Variants in CDC73 observed in about 807,000 individuals in gnomAD.
CDC73 encodes the protein cell division cycle 73.
CDC73 carries 21 observed loss-of-function variants against 83.7 expected under a neutral mutation model. The ratio of observed to expected loss-of-function variants is 0.25; its 90% CI spans 0.18 to 0.36. The LOEUF (loss-of-function observed/expected upper bound fraction) is 0.36, where lower values mean the gene tolerates loss of function less well. Among genes scored for constraint, CDC73 ranks in the 10% least tolerant of loss-of-function variants. The pLI, the probability that CDC73 is intolerant of heterozygous loss-of-function variation, is 1.00. For missense variants in CDC73, 342 were observed against 653.3 expected (o/e 0.52, Z 5.19); for synonymous variants, 224 against 212.9 (o/e 1.05, Z -0.45).
chr1:193,181,332 G>A (rs1676712107), intron 10 of CDC73: 2 of 1,614,104 alleles, frequency 1.2e-6, no homozygotes, highest in Non-Finnish European at 1.7e-6. Flanking sequence ...TCCGAAGGGA[G>A]CTGTGGTTTG....
intron 2 of CDC73, among the ~76,000 whole-genome samples, chr1:193,127,071 C>A (rs1172677698): frequency 6.6e-6 from 1 of 151,914 alleles, no homozygotes; most frequent in African/African-American, 2.4e-5. Flanking sequence ...GAGTTCAAGA[C>A]CAACCTGGGC....
At chr1:193,125,521 C>T (rs575737809) in intron 2 of CDC73, among the ~76,000 whole-genome samples, 122 of 152,046 alleles carry the variant, frequency 8.0e-4, no homozygotes, top group African/African-American at 2.8e-3. Context: ...CTCGGCCTCC[C>T]GAAGTGCTGG....
At position 193,140,040 on chromosome 1, in the gene CDC73, A is replaced by G. The variant is rs144757040; in HGVS notation, c.513-1810A>G. 1.4e-3 allele frequency among the ~76,000 whole-genome samples: 212 copies of G among 152,282 alleles called. 1 individual carries two copies. Among genetic ancestry groups the G allele is most frequent in the African/African-American group, 5.0e-3 (206 of 41,542 alleles). ...CAGTTCTCAGGTCTTCTGACCTATG[A>G]ATTCTAAACACCTTGGTCTTGCTGT... On this transcript the variant is annotated intron_variant, in intron 6 of 16. Coordinates refer to ENST00000367435, the MANE Select transcript of CDC73 (RefSeq NM_024529.5).
intron 10 of CDC73, among the ~76,000 whole-genome samples, chr1:193,199,310 A>T (rs1677051038): frequency 6.6e-6 from 1 of 152,132 alleles, no homozygotes; most frequent in Non-Finnish European, 1.5e-5. Flanking sequence ...TCTCTCCTGC[A>T]ATCCCAGCGC....
chr1:193,254,416 A>G lies in CDC73; in HGVS notation c.*3704A>G, dbSNP rs1012514861. Among the ~76,000 whole-genome samples the G allele has an allele frequency of 1.2e-4, 18 of 152,146 alleles. No homozygotes were observed. The highest frequency in any genetic ancestry group is 4.1e-4 in the African/African-American group (17 of 41,454). On this transcript the variant is annotated 3_prime_UTR_variant, in exon 17 of 17. Coordinates refer to ENST00000367435, the MANE Select transcript of CDC73 (RefSeq NM_024529.5). ...ACTTGTGTTTGAGATTCACCCAGCT[A>G]TTCTAATGATAGAAATAAAAAGTGG...
chr1:193,150,127 T>C (rs1031634427), intron 8 of CDC73, among the ~76,000 whole-genome samples, 177 bp from the exon 9 acceptor site: 11 of 151,344 alleles, frequency 7.3e-5, no homozygotes, highest in African/African-American at 2.2e-4. Flanking sequence ...AAAAATTAGC[T>C]GAGTGTGGTG....
chr1:193,219,012 CAA>C (rs1445609000), intron 13 of CDC73, among the ~76,000 whole-genome samples: 1 of 152,152 alleles, frequency 6.6e-6, no homozygotes, highest in Non-Finnish European at 1.5e-5. Flanking sequence ...ATGCATCTGA[CAA>C]AGATCTAATA....
chr1:193,188,943 TTC>T (rs1558304684), intron 10 of CDC73, among the ~76,000 whole-genome samples: 1 of 152,030 alleles, frequency 6.6e-6, no homozygotes, highest in African/African-American at 2.4e-5. Context: ...ACCTCTTTCT[TTC>T]TGTCTGTCTG....
At chr1:193,122,551 C>T in intron 1 of CDC73, 1 of 538,902 alleles carries the variant, frequency 1.9e-6, no homozygotes, top group Non-Finnish European at 3.3e-6. Flanking sequence ...TTTGAGAAGC[C>T]CAAAGGAAAG....
intron 3 of CDC73, 104 bp downstream of exon 3, chr1:193,130,347 A>G (rs1675673447): frequency 2.5e-6 from 2 of 802,340 alleles, no homozygotes; most frequent in Admixed American, 3.7e-5. Context: ...CCACCAAAAA[A>G]TTAACCTACC....
At chr1:193,179,774 T>G (rs1012090432) in intron 10 of CDC73, 1 of 152,596 alleles carries the variant, frequency 6.6e-6, no homozygotes, top group African/African-American at 2.4e-5. Flanking sequence ...CTGAACTTTA[T>G]AATGTGTTTG....
rs766787048 is a variant in CDC73 at position 193,180,313 on chromosome 1, C to T, written c.973-23482C>T. The stretch of plus-strand genomic sequence containing the variant: ...TCTTTTCTAATGTAGTTTACGGTGG[C>T]GATACCTGCCTGCCTTTTCTTTTGC... On this transcript the variant is annotated intron_variant, in intron 10 of 16. Transcript: ENST00000367435. 1.2e-4 allele frequency: 187 copies of T among 1,578,664 alleles called. No individual in the cohort carries two copies. Among genetic ancestry groups the T allele is most frequent in the Non-Finnish European group, 1.6e-4 (184 of 1,163,354 alleles).
chr1:193,139,020 C>T (rs1032287836), intron 6 of CDC73, among the ~76,000 whole-genome samples: 4 of 151,852 alleles, frequency 2.6e-5, no homozygotes, highest in African/African-American at 7.3e-5. Flanking sequence ...GTGATCTGTC[C>T]GCCTTGGCCT....
At chr1:193,189,549 G>A (rs1314625045) in intron 10 of CDC73, among the ~76,000 whole-genome samples, 5 of 152,110 alleles carry the variant, frequency 3.3e-5, no homozygotes, top group African/African-American at 4.8e-5. Context: ...GTTATAAATG[G>A]CTTGTAATTG....
intron 10 of CDC73, among the ~76,000 whole-genome samples, chr1:193,162,940 A>T (rs925585621): frequency 7.2e-5 from 11 of 152,118 alleles, no homozygotes; most frequent in Non-Finnish European, 1.2e-4. Context: ...GAAGTTACTG[A>T]ATTCTTACTT....
intron 11 of CDC73, among the ~76,000 whole-genome samples, chr1:193,211,015 C>A (rs530754553): frequency 6.6e-6 from 1 of 152,294 alleles, no homozygotes; most frequent in East Asian, 1.9e-4. Flanking sequence ...ACAGTTATTA[C>A]AGTGGTAATC....
chr1:193,128,595 A>G (rs976644934), intron 2 of CDC73, among the ~76,000 whole-genome samples: 1 of 152,168 alleles, frequency 6.6e-6, no homozygotes, highest in African/African-American at 2.4e-5. Flanking sequence ...ATGAACCACC[A>G]TGCCTGGCCT....
chr1:193,239,614 T>G (rs1246784437), intron 15 of CDC73, among the ~76,000 whole-genome samples: 2 of 152,194 alleles, frequency 1.3e-5, no homozygotes, highest in African/African-American at 2.4e-5. Context: ...AATTTTTTTT[T>G]GTTGATACAT....
intron 3 of CDC73, among the ~76,000 whole-genome samples, chr1:193,134,886 A>G (rs539964779): frequency 1.0e-3 from 159 of 152,328 alleles, no homozygotes; most frequent in Non-Finnish European, 1.9e-3. Flanking sequence ...GGTGGGAACT[A>G]GGTGAATGGG....
Sources: allele counts gnomAD v4.1 joint callset (sites outside exome capture counted in the v4.1 genomes callset), GRCh38; gene constraint gnomAD v4.1.1; transcripts MANE v1.5; gene names NCBI Gene and HGNC (gene_info 2026-07-23, HGNC 2026-07-21).